The following XDH variants were observed in gnomAD, a reference collection of about 807,000 sequenced individuals.
XDH encodes the protein xanthine dehydrogenase, also known as xanthine dehydrogenase/oxidase.
Under a neutral mutation model 156.1 loss-of-function variants are expected in XDH, and 138 were observed. That is an observed-to-expected ratio of 0.88 (90% CI 0.77 to 1.02). The LOEUF is 1.02. XDH is among the 50% of genes least tolerant of loss of function. The pLI is 0.00. For missense variants in XDH, 1,849 were observed against 1,684.9 expected (o/e 1.10, Z -1.71); for synonymous variants, 669 against 625.7 (o/e 1.07, Z -1.03).
chr2:31,344,760 G>C, intron 30 of XDH, 24 bp from the exon 31 acceptor site: 3 of 1,613,860 alleles, frequency 1.9e-6, no homozygotes, highest in Non-Finnish European at 2.5e-6. Context: ...ATGGCCATCA[G>C]GCAGGTGAAG....
At chr2:31,404,198 C>T (rs1197558996) in intron 2 of XDH, among the ~76,000 whole-genome samples, 2 of 152,162 alleles carry the variant, frequency 1.3e-5, no homozygotes, top group Admixed American at 6.5e-5. Flanking sequence ...ACTGGGTGAG[C>T]TCCCTTCATC....
intron 33 of XDH, among the ~76,000 whole-genome samples, chr2:31,340,221 C>A (rs151280153): frequency 1.3e-5 from 2 of 152,190 alleles, no homozygotes; most frequent in Non-Finnish European, 2.9e-5. Context: ...CATACCTCAA[C>A]GAGCATTCAG....
In XDH at chr2:31,374,675, G is replaced by A. The variant is rs548667684; in HGVS notation, c.1602+705C>T. Among the ~76,000 whole-genome samples the A allele has an allele frequency of 5.3e-5, 8 of 152,254 alleles. No homozygotes were observed. In the South Asian group the frequency reaches 1.5e-3, roughly 28 times the overall value. Reference sequence around the variant, plus strand: ...TCTTAAAGAAGGATTTATCTCTGCTGTCCCTGCATCAGTGACATCCTCTCC... The same window carrying A: ...TCTTAAAGAAGGATTTATCTCTGCTATCCCTGCATCAGTGACATCCTCTCC... On this transcript the variant is annotated intron_variant, in intron 15 of 35. Coordinates refer to ENST00000379416, the MANE Select transcript of XDH (RefSeq NM_000379.4).
chr2:31,403,752 C>T (rs542946904), intron 2 of XDH, among the ~76,000 whole-genome samples: 10 of 152,110 alleles, frequency 6.6e-5, no homozygotes, highest in Non-Finnish European at 1.5e-4. Context: ...CTCACTCTTA[C>T]ATATACTTGC....
chr2:31,395,605 CAT>C (rs1686881723), intron 6 of XDH, among the ~76,000 whole-genome samples: 1 of 152,164 alleles, frequency 6.6e-6, no homozygotes, highest in Non-Finnish European at 1.5e-5. Context: ...GCACCCGCTC[CAT>C]GACTGCATCC....
At chr2:31,362,742 G>A (rs1685808876) in intron 24 of XDH, among the ~76,000 whole-genome samples, 1 of 152,156 alleles carries the variant, frequency 6.6e-6, no homozygotes, top group Non-Finnish European at 1.5e-5. Context: ...AGTGCCTGCC[G>A]GGCCGCCTCC....
At chr2:31,412,235 GA>G (rs1687360442) in intron 1 of XDH, among the ~76,000 whole-genome samples, 1 of 152,190 alleles carries the variant, frequency 6.6e-6, no homozygotes, top group Non-Finnish European at 1.5e-5. Context: ...AGATGTGAAT[GA>G]AAACAATAGT....
chr2:31,374,683 A>C (rs1686177955), intron 15 of XDH, among the ~76,000 whole-genome samples: 1 of 152,178 alleles, frequency 6.6e-6, no homozygotes, highest in African/African-American at 2.4e-5. Flanking sequence ...CTGTCCCTGC[A>C]TCAGTGACAT....
intron 34 of XDH, 66 bp downstream of exon 34, chr2:31,339,423 C>A: frequency 3.7e-6 from 6 of 1,607,582 alleles, no homozygotes; most frequent in Non-Finnish European, 5.1e-6. Flanking sequence ...TGAGGCCTCT[C>A]ATCACCCGCT....
chr2:31,366,001 T>C lies in XDH; in HGVS notation c.2431A>G (p.Thr811Ala). 6.2e-7 allele frequency: 1 copy of C among 1,614,220 alleles called. No homozygotes were observed. Among genetic ancestry groups the C allele is most frequent in the South Asian group, 1.1e-5 (1 of 91,078 alleles). The change falls in exon 22 of 36, where the codon ACG (threonine) becomes GCG (alanine). Residue 811 changes from threonine to alanine, a missense_variant. Physicochemically the swap from Thr to Ala is moderately conservative, Grantham distance 58. Coordinates refer to ENST00000379416, the MANE Select transcript of XDH (RefSeq NM_000379.4). ...TTATATGCAGCCAGGGCCACTGCCGTGGACACCACAGTGCTCCGGGTCTCC... is the reference window on the plus strand; with the variant it reads ...TTATATGCAGCCAGGGCCACTGCCGCGGACACCACAGTGCTCCGGGTCTCC... ...GKETRSTVVS[T>A]AVALAAYKTG...
At chr2:31,411,477 G>C (rs1327429066) in intron 1 of XDH, among the ~76,000 whole-genome samples, 1 of 152,012 alleles carries the variant, frequency 6.6e-6, no homozygotes, top group African/African-American at 2.4e-5. Context: ...TGTGTCCAGA[G>C]TGAGAAAGAG....
rs919371800 is a variant in XDH, at chr2:31,378,151, G to T, written c.1243-914C>A. Among the ~76,000 whole-genome samples the T allele has an allele frequency of 7.7e-4, 93 of 121,352 alleles. 5 individuals are homozygous for T. Among genetic ancestry groups the T allele is most frequent in the African/African-American group, 2.8e-3 (90 of 32,420 alleles). 79.6% of individuals were successfully genotyped at this position (121,352 alleles called of 152,430 possible). ...GGAAGGAAGGAAGGAAGGAAGGAAG[G>T]AAGGAAGGAAGGAAGGAAGGAAGGA... is the stretch of plus-strand genomic sequence containing the variant. On this transcript the variant is annotated intron_variant, in intron 13 of 35. Coordinates refer to ENST00000379416, the MANE Select transcript of XDH (RefSeq NM_000379.4).
intron 12 of XDH, among the ~76,000 whole-genome samples, chr2:31,380,286 G>A (rs1054610103): frequency 1.6e-4 from 24 of 152,308 alleles, no homozygotes; most frequent in African/African-American, 5.8e-4. Context: ...ATGTGAAGCT[G>A]GGAAGAAGGC....
chr2:31,405,836 C>A (rs1260274091), intron 2 of XDH, 71 bp downstream of exon 2: 4 of 1,575,638 alleles, frequency 2.5e-6, no homozygotes, highest in South Asian at 1.1e-5. Context: ...CACTAGGAAA[C>A]AATGTAAGGC....
rs1558678611 is a variant in XDH at position 31,348,324 on chromosome 2, GCAC to G, written c.3088_3090del (p.Val1030del). 3 of 1,614,084 alleles carry G rather than the reference GCAC, an allele frequency of 1.9e-6. No homozygotes were observed. Among genetic ancestry groups the G allele is most frequent in the African/African-American group, 1.3e-5 (1 of 74,924 alleles). The stretch of plus-strand genomic sequence containing the variant: ...ATCTCAGTCCCCCCGTGGGTCAGCA[GCAC>G]AGAGCCATCTGTGTACACATGAAGT... On this transcript the variant is annotated inframe_deletion, in exon 28 of 36. Transcript: ENST00000379416.
In XDH at chr2:31,349,913, A is replaced by G. The variant is rs1276428847; in HGVS notation, c.2824-82T>C. On this transcript the variant is annotated intron_variant, in intron 25 of 35. Coordinates refer to ENST00000379416, the MANE Select transcript of XDH (RefSeq NM_000379.4). ...GGCACAACCTAAAGTTAAGCTTCCA[A>G]CCCCCTCAGCAGCCCCTGCCTGTCA... is the stretch of plus-strand genomic sequence containing the variant. 5.6e-6 allele frequency: 9 copies of G among 1,611,562 alleles called. No individual in the cohort carries two copies. In the East Asian group the frequency reaches 2.0e-4, roughly 36 times the overall value.
rs559105172 is a variant in XDH, at chr2:31,367,830, C to A, written c.2197+131G>T. The A allele has an allele frequency of 1.5e-4, 134 of 903,504 alleles. No individual in the cohort carries two copies. The African/African-American group carries it at 2.1e-3, about 14-fold the overall frequency. The allele number at this position is 903,504 out of a possible 1,614,324, so 56.0% of individuals were successfully genotyped here. A position where few individuals can be genotyped will look rare whatever the true frequency, so the allele number is the denominator to read the frequency against. On this transcript the variant is annotated intron_variant, in intron 20 of 35. Coordinates refer to ENST00000379416, the MANE Select transcript of XDH (RefSeq NM_000379.4). ...CAACTGTCTCCTATTTTGCTACAAA[C>A]GTAAGAGGGAATCTTCTGTCAGGAA...
intron 20 of XDH, 76 bp downstream of exon 20, chr2:31,367,885 G>A (rs1685962961): frequency 7.3e-7 from 1 of 1,374,862 alleles, no homozygotes. Flanking sequence ...CTGCTTCAGG[G>A]TTCAATGCAT....
At position 31,375,609 on chromosome 2, in the gene XDH, T is replaced by C. The variant is rs1686225175; in HGVS notation, c.1428-55A>G. On this transcript the variant is annotated intron_variant, in intron 14 of 35. Transcript: ENST00000379416. ...TCCCGCCCAGCCCTCCAGACCCCTT[T>C]GTGTAGAGCTGTGTGCCCAGGGCCT... The C allele has an allele frequency of 3.8e-6, 6 of 1,577,742 alleles. No individual in the cohort carries two copies. In the Admixed American group the frequency reaches 5.4e-5, roughly 14 times the overall value.
Sources: gnomAD v4.1 joint callset for allele counts (sites outside exome capture counted in the v4.1 genomes callset) on GRCh38, gnomAD v4.1.1 for gene constraint, MANE v1.5 for transcripts, NCBI Gene and HGNC (gene_info 2026-07-23, HGNC 2026-07-21) for gene names.